Variants in CDH1 observed in about 807,000 individuals in gnomAD.
CDH1 encodes cadherin-1.
CDH1 carries 35 observed loss-of-function variants against 84.5 expected under a neutral mutation model. That is an observed-to-expected ratio of 0.41 (90% confidence interval 0.32 to 0.55). CDH1 has a LOEUF of 0.55. Ranked by LOEUF, CDH1 falls within the 20% of genes least tolerant of loss-of-function variation. The pLI is 0.19. For synonymous variants in CDH1, 417 were observed against 439.0 expected (o/e 0.95, Z 0.63); for missense variants, 994 against 1,126.6 (o/e 0.88, Z 1.68).
intron 10 of CDH1, among the ~76,000 whole-genome samples, chr16:68,818,684 C>G (rs1013317705): frequency 6.6e-6 from 1 of 150,728 alleles, no homozygotes; most frequent in African/African-American, 2.4e-5. Flanking sequence ...CGCGTCTCAA[C>G]TAACAATACA....
At chr16:68,738,158 C>T (rs955175029) in intron 1 of CDH1, 139 bp from the exon 2 acceptor site, 1 of 619,608 alleles carries the variant, frequency 1.6e-6, no homozygotes, top group Non-Finnish European at 2.8e-6. Flanking sequence ...CGTCGCTGCC[C>T]GCCCGTCCCG....
intron 2 of CDH1, among the ~76,000 whole-genome samples, chr16:68,759,531 C>T (rs144569819): frequency 0.013 from 1,862 of 148,858 alleles, 14 homozygotes; most frequent in South Asian, 0.025. Context: ...GCTCTGTTGC[C>T]TGGGCTGGAG....
chr16:68,807,917 C>A (rs894541433), intron 3 of CDH1, among the ~76,000 whole-genome samples: 3 of 151,916 alleles, frequency 2.0e-5, no homozygotes, highest in Admixed American at 6.6e-5. Flanking sequence ...ACTAAAAATA[C>A]AAAAATTAGT....
rs544306288 is a variant in CDH1 at position 68,777,814 on chromosome 16, C to T, written c.164-23856C>T. On this transcript the variant is annotated intron_variant, in intron 2 of 15. Coordinates refer to ENST00000261769, the MANE Select transcript of CDH1 (RefSeq NM_004360.5). ...TGGCACAATTTCAGCTCACTGCAAC[C>T]TTTGCCTCCCAGGTTCAAGCGATTC... Among the ~76,000 whole-genome samples, 119 of 152,066 alleles carry T rather than the reference C, an allele frequency of 7.8e-4. No individual in the cohort carries two copies. The Middle Eastern group carries it at 0.01, about 13-fold the overall frequency.
At chr16:68,816,788 G>A (rs1265788401) in intron 10 of CDH1, among the ~76,000 whole-genome samples, 3 of 152,110 alleles carry the variant, frequency 2.0e-5, no homozygotes, top group Non-Finnish European at 4.4e-5. Flanking sequence ...TCTATGTGTA[G>A]CCAATGGACT....
chr16:68,791,215 C>CCCCG (rs1415049066), intron 2 of CDH1, among the ~76,000 whole-genome samples: 2 of 152,104 alleles, frequency 1.3e-5, no homozygotes, highest in Non-Finnish European at 2.9e-5. Context: ...GGAACTGTTC[C>CCCCG]CCCGCACTGC....
intron 9 of CDH1, among the ~76,000 whole-genome samples, chr16:68,814,096 A>T (rs1434038045): frequency 6.6e-6 from 1 of 150,738 alleles, no homozygotes; most frequent in African/African-American, 2.4e-5. Context: ...TTAGCTGGGC[A>T]TGGTGGTGTG....
At chr16:68,744,016 A>G (rs758962611) in intron 2 of CDH1, among the ~76,000 whole-genome samples, 2 of 152,260 alleles carry the variant, frequency 1.3e-5, no homozygotes, top group Non-Finnish European at 2.9e-5. Context: ...GCCAATGGGC[A>G]GGAATGTAAA....
chr16:68,750,406 G>A (rs2152117315), intron 2 of CDH1, among the ~76,000 whole-genome samples: 1 of 152,108 alleles, frequency 6.6e-6, no homozygotes, highest in East Asian at 1.9e-4. Context: ...GGCCAGGCAG[G>A]CATCTGGGGC....
chr16:68,739,555 G>A (rs1567472107), intron 2 of CDH1, among the ~76,000 whole-genome samples: 2 of 150,398 alleles, frequency 1.3e-5, no homozygotes, highest in Admixed American at 6.6e-5. Flanking sequence ...CTGAGAGACT[G>A]TGCCTGGACC....
chr16:68,821,895 G>A, intron 11 of CDH1, 106 bp from the exon 12 acceptor site: 1 of 877,270 alleles, frequency 1.1e-6, no homozygotes, highest in Non-Finnish European at 1.9e-6. Context: ...GGCCTGGTGA[G>A]GGACCACTGA....
chr16:68,761,835 G>T (rs1959229227), intron 2 of CDH1, among the ~76,000 whole-genome samples: 1 of 152,156 alleles, frequency 6.6e-6, no homozygotes, highest in South Asian at 2.1e-4. Context: ...GAAGGGCAAG[G>T]TCAGTGATCA....
intron 13 of CDH1, among the ~76,000 whole-genome samples, chr16:68,826,934 T>G (rs1442330653): frequency 6.6e-6 from 1 of 152,156 alleles, no homozygotes; most frequent in African/African-American, 2.4e-5. Flanking sequence ...TTGAGGTACA[T>G]CTGAGAAATC....
At chr16:68,781,513 T>C (rs992465581) in intron 2 of CDH1, among the ~76,000 whole-genome samples, 1 of 152,092 alleles carries the variant, frequency 6.6e-6, no homozygotes, top group Non-Finnish European at 1.5e-5. Context: ...GCTAATTTTT[T>C]CTTTTTTTAG....
rs1961066723 is a variant in CDH1 at position 68,819,131 on chromosome 16, C to T, written c.1566-149C>T. 3 of 807,084 alleles carry T rather than the reference C, an allele frequency of 3.7e-6. No homozygotes were observed. In the East Asian group the frequency reaches 8.4e-5, roughly 23 times the overall value. 50.0% of individuals were successfully genotyped at this position (807,084 alleles called of 1,614,324 possible). ...TCAGCCTCCCAAAGTGTTGGGATTA[C>T]AGGCATGAGCCACCGCGACCGGCCT... is the stretch of plus-strand genomic sequence containing the variant. On this transcript the variant is annotated intron_variant, in intron 10 of 15. Coordinates refer to ENST00000261769, the MANE Select transcript of CDH1 (RefSeq NM_004360.5).
At chr16:68,831,694 A>G (rs942519224) in intron 15 of CDH1, among the ~76,000 whole-genome samples, 32 of 151,624 alleles carry the variant, frequency 2.1e-4, no homozygotes, top group African/African-American at 7.7e-4. Context: ...CACCACTACC[A>G]CGCCCAGCTA....
intron 2 of CDH1, among the ~76,000 whole-genome samples, chr16:68,781,527 T>TG (rs1304955605): frequency 6.6e-6 from 1 of 152,092 alleles, no homozygotes; most frequent in Non-Finnish European, 1.5e-5. Context: ...TTTTTAGAGA[T>TG]GGGGTCTTGC....
chr16:68,741,786 T>G (rs573182320), intron 2 of CDH1, among the ~76,000 whole-genome samples: 1 of 152,278 alleles, frequency 6.6e-6, no homozygotes, highest in East Asian at 1.9e-4. Context: ...TTCAAGCAAT[T>G]CTCCTGTCTC....
chr16:68,791,091 G>A (rs1392486962), intron 2 of CDH1, among the ~76,000 whole-genome samples: 1 of 152,146 alleles, frequency 6.6e-6, no homozygotes, highest in Non-Finnish European at 1.5e-5. Flanking sequence ...TTGGCCCCCG[G>A]GTGGGCAGGA....
Sources: allele counts gnomAD v4.1 joint callset (sites outside exome capture counted in the v4.1 genomes callset), GRCh38; gene constraint gnomAD v4.1.1; transcripts MANE v1.5; gene names NCBI Gene and HGNC (gene_info 2026-07-23, HGNC 2026-07-21).